The following DLC1 variants were observed in gnomAD, a reference collection of about 807,000 sequenced individuals.
DLC1 encodes rho GTPase-activating protein 7.
DLC1 carries 54 observed loss-of-function variants against 140.3 expected under a neutral mutation model. The ratio of observed to expected loss-of-function variants is 0.38; its 90% CI spans 0.31 to 0.48. The LOEUF (loss-of-function observed/expected upper bound fraction) is 0.48, where lower values mean the gene tolerates loss of function less well. Ranked by LOEUF, DLC1 falls within the 20% of genes least tolerant of loss-of-function variation. The probability of loss-of-function intolerance (pLI) is 0.96; values close to 1 mark genes in which losing one functional copy is unlikely to be tolerated. For missense variants in DLC1, 2,536 were observed against 1,907.0 expected (o/e 1.33, Z -6.14); for synonymous variants, 986 against 728.1 (o/e 1.35, Z -5.70).
At chr8:13,251,720 C>T (rs1830013263) in intron 5 of DLC1, among the ~76,000 whole-genome samples, 1 of 152,268 alleles carries the variant, frequency 6.6e-6, no homozygotes, top group South Asian at 2.1e-4. Flanking sequence ...AAATTCTAGT[C>T]ACCTCTCTGA....
intron 5 of DLC1, among the ~76,000 whole-genome samples, chr8:13,205,372 G>T (rs964407324): frequency 7.9e-5 from 12 of 152,188 alleles, no homozygotes; most frequent in African/African-American, 2.9e-4. Flanking sequence ...GTGGATTAAT[G>T]CTGATTCCTA....
chr8:13,593,441 C>T (rs751585958), intron 1 of DLC1, among the ~76,000 whole-genome samples: 1 of 151,998 alleles, frequency 6.6e-6, no homozygotes, highest in Non-Finnish European at 1.5e-5. Context: ...GTTGAGTGGA[C>T]GTTATATGTG....
chr8:13,369,354 C>CAAAAA lies in DLC1; in HGVS notation c.1314+24198_1314+24199insTTTTT, dbSNP rs148214804. On this transcript the variant is annotated intron_variant, in intron 4 of 17. Coordinates refer to ENST00000276297, the MANE Select transcript of DLC1 (RefSeq NM_182643.3). ...GCACGTCCAGTATTTTTGGCTGGGT[C>CAAAAA]GAAAAAAAAAAAAAAAAAAGATTAC... Among the ~76,000 whole-genome samples, 10 of 128,064 alleles carry CAAAAA rather than the reference C, an allele frequency of 7.8e-5. 3 individuals carry two copies. Among genetic ancestry groups the CAAAAA allele is most frequent in the South Asian group, 2.6e-4 (1 of 3,880 alleles). 84.0% of individuals were successfully genotyped at this position (128,064 alleles called of 152,430 possible).
At chr8:13,199,372 G>C (rs1214007268) in intron 5 of DLC1, among the ~76,000 whole-genome samples, 1 of 151,608 alleles carries the variant, frequency 6.6e-6, no homozygotes, top group Non-Finnish European at 1.5e-5. Flanking sequence ...TTTTGTAGAT[G>C]GAGATCTTGC....
intron 4 of DLC1, among the ~76,000 whole-genome samples, chr8:13,380,291 A>G (rs1836193617): frequency 6.6e-6 from 1 of 152,350 alleles, no homozygotes; most frequent in East Asian, 1.9e-4. Context: ...TTTAAAGCAG[A>G]GTCATCATCA....
At chr8:13,373,488 C>T (rs1835821342) in intron 4 of DLC1, among the ~76,000 whole-genome samples, 1 of 152,156 alleles carries the variant, frequency 6.6e-6, no homozygotes, top group South Asian at 2.1e-4. Flanking sequence ...GATCTGTTCC[C>T]TTTCTCAATT....
At chr8:13,577,579 C>G (rs1180254533) in intron 1 of DLC1, among the ~76,000 whole-genome samples, 1 of 152,118 alleles carries the variant, frequency 6.6e-6, no homozygotes, top group African/African-American at 2.4e-5. Context: ...TGTTCCATCT[C>G]AGTACATGCT....
intron 4 of DLC1, among the ~76,000 whole-genome samples, chr8:13,384,881 C>G (rs1001687607): frequency 6.6e-5 from 10 of 152,010 alleles, no homozygotes; most frequent in African/African-American, 2.4e-4. Flanking sequence ...CGTGGGGATG[C>G]TCTTGGAAAT....
chr8:13,117,886 A>G (rs1054533504), intron 5 of DLC1, among the ~76,000 whole-genome samples: 1 of 152,222 alleles, frequency 6.6e-6, no homozygotes, highest in Non-Finnish European at 1.5e-5. Context: ...GATGTAAGAT[A>G]CTAGTTTTTT....
At chr8:13,553,882 C>T (rs1016262743) in intron 1 of DLC1, among the ~76,000 whole-genome samples, 7 of 151,352 alleles carry the variant, frequency 4.6e-5, no homozygotes, top group African/African-American at 1.7e-4. Flanking sequence ...TATTTGAACA[C>T]TTCCTTCTCC....
At chr8:13,398,330 T>C (rs1296049812) in intron 3 of DLC1, among the ~76,000 whole-genome samples, 1 of 151,710 alleles carries the variant, frequency 6.6e-6, no homozygotes, top group Non-Finnish European at 1.5e-5. Context: ...AACAGCAGAG[T>C]CAAACTAAGG....
chr8:13,156,679 C>T (rs1824283188), intron 5 of DLC1, among the ~76,000 whole-genome samples: 1 of 152,078 alleles, frequency 6.6e-6, no homozygotes, highest in South Asian at 2.1e-4. Flanking sequence ...ATGAAAATTC[C>T]AAGTGTCCCT....
rs185219692 is a variant in DLC1 at position 13,455,202 on chromosome 8, T to C, written c.1023+43847A>G. ...ATGAATTGAAAATATTTGCCTTTGA[T>C]AAAGGGAAAAAGGTAACATCATTTA... is the stretch of plus-strand genomic sequence containing the variant. On this transcript the variant is annotated intron_variant, in intron 2 of 17. Transcript: ENST00000276297. Among the ~76,000 whole-genome samples, 6 of 152,262 alleles carry C rather than the reference T, an allele frequency of 3.9e-5. No homozygotes were observed. In the East Asian group the frequency reaches 1.2e-3, roughly 29 times the overall value.
chr8:13,536,456 A>G (rs1803288393), intron 1 of DLC1, among the ~76,000 whole-genome samples: 1 of 152,222 alleles, frequency 6.6e-6, no homozygotes, highest in African/African-American at 2.4e-5. Context: ...ATGCAGGAGG[A>G]ATGAAAGTCA....
chr8:13,084,301 T>A lies in DLC1; in HGVS notation c.*1510A>T, dbSNP rs1585550137. On this transcript the variant is annotated 3_prime_UTR_variant, in exon 18 of 18. Coordinates refer to ENST00000276297, the MANE Select transcript of DLC1 (RefSeq NM_182643.3). ...CTCAAATTTTAAAACTCTAATCTGA[T>A]GCCCTGCCCCAAAATTCTTCAAAGA... is the stretch of plus-strand genomic sequence containing the variant. The A allele has an allele frequency of 6.5e-6, 1 of 152,722 alleles. No individual in the cohort carries two copies. Among genetic ancestry groups the A allele is most frequent in the Admixed American group, 6.5e-5 (1 of 15,294 alleles). The allele number at this position is 152,722 out of a possible 1,614,324, so 9.5% of individuals were successfully genotyped here. A position where few individuals can be genotyped will look rare whatever the true frequency, so the allele number is the denominator to read the frequency against.
At position 13,409,058 on chromosome 8, in the gene DLC1, T is replaced by G. The variant is rs549713618; in HGVS notation, c.1024-7439A>C. On this transcript the variant is annotated intron_variant, in intron 2 of 17. Coordinates refer to ENST00000276297, the MANE Select transcript of DLC1 (RefSeq NM_182643.3). ...GTATTGACCTGACTTCTGTCTACTTTTCTACCGGCACTGTTGTAACTCTCT... is the reference window on the plus strand; with the variant it reads ...GTATTGACCTGACTTCTGTCTACTTGTCTACCGGCACTGTTGTAACTCTCT... Among the ~76,000 whole-genome samples, 6 of 152,214 alleles carry G rather than the reference T, an allele frequency of 3.9e-5. No individual in the cohort carries two copies. In the South Asian group the frequency reaches 1.2e-3, roughly 32 times the overall value.
intron 2 of DLC1, among the ~76,000 whole-genome samples, chr8:13,468,034 T>G (rs1800020639): frequency 6.6e-6 from 1 of 152,184 alleles, no homozygotes; most frequent in Non-Finnish European, 1.5e-5. Flanking sequence ...TAGAAGAGTT[T>G]ACAAGAAATC....
At chr8:13,219,701 G>A (rs1157501580) in intron 5 of DLC1, among the ~76,000 whole-genome samples, 1 of 151,486 alleles carries the variant, frequency 6.6e-6, no homozygotes, top group Non-Finnish European at 1.5e-5. Context: ...ATAAAATATG[G>A]GTCTTCAAAC....
intron 1 of DLC1, among the ~76,000 whole-genome samples, chr8:13,553,116 G>A (rs1430350939): frequency 6.7e-6 from 1 of 148,578 alleles, no homozygotes; most frequent in Non-Finnish European, 1.5e-5. Flanking sequence ...AACCTTGACA[G>A]CATTGGTCAC....
Sources: allele counts gnomAD v4.1 joint callset (sites outside exome capture counted in the v4.1 genomes callset), GRCh38; gene constraint gnomAD v4.1.1; transcripts MANE v1.5; gene names NCBI Gene and HGNC (gene_info 2026-07-23, HGNC 2026-07-21).